The following CIMIP2A variants were observed in gnomAD, a reference collection of about 807,000 sequenced individuals.
CIMIP2A encodes ciliary microtubule inner protein 2A.
At chr9:137,252,722 A>G in the CIMIP2A span, 1 of 1,554,258 alleles carries the variant, frequency 6.4e-7, no homozygotes, top group South Asian at 1.2e-5. Context: ...CTTCAGCTTC[A>G]GAGGCTGCCA....
the CIMIP2A span, chr9:137,255,064 A>T: frequency 6.4e-6 from 1 of 155,988 alleles, no homozygotes; most frequent in South Asian, 2.1e-4. Flanking sequence ...ACGCTTATGT[A>T]CACGAAATTC....
the CIMIP2A span, chr9:137,252,968 A>G: frequency 1.4e-5 from 22 of 1,590,928 alleles, no homozygotes; most frequent in Admixed American, 3.5e-5. Flanking sequence ...CAGCACCTGT[A>G]AGGAGGCCTG....
At chr9:137,251,733 T>C in the CIMIP2A span, 1 of 1,560,100 alleles carries the variant, frequency 6.4e-7, no homozygotes, top group Non-Finnish European at 8.7e-7. Context: ...TGGTCTCCCT[T>C]GCAGGCCCAA....
the CIMIP2A span, among the ~76,000 whole-genome samples, chr9:137,246,688 A>C: frequency 6.6e-6 from 1 of 152,036 alleles, no homozygotes; most frequent in Non-Finnish European, 1.5e-5. Flanking sequence ...GCGTGAACCC[A>C]GGAGGCGGAG....
the CIMIP2A span, chr9:137,244,816 C>T: frequency 1.0e-5 from 16 of 1,576,788 alleles, no homozygotes; most frequent in Non-Finnish European, 1.4e-5. Context: ...TCAGACGTGT[C>T]AGGGAAGCCA....
the CIMIP2A span, chr9:137,245,000 CCT>C: frequency 6.2e-7 from 1 of 1,608,846 alleles, no homozygotes; most frequent in Non-Finnish European, 8.5e-7. Flanking sequence ...AAAGTGGGCC[CCT>C]GTGGCAGCCT....
chr9:137,247,812 C>T, the CIMIP2A span: 8 of 1,254,940 alleles, frequency 6.4e-6, no homozygotes, highest in Admixed American at 5.7e-5. Context: ...TTGTGAGGGG[C>T]CAGCATTGTG....
chr9:137,244,647 T>C, the CIMIP2A span: 1 of 1,613,676 alleles, frequency 6.2e-7, no homozygotes, highest in Non-Finnish European at 8.5e-7. Context: ...CCTACCTGGC[T>C]CTTGTCGAAT....
At chr9:137,245,710 T>A in the CIMIP2A span, 3 of 1,603,618 alleles carry the variant, frequency 1.9e-6, no homozygotes, top group South Asian at 3.3e-5. Context: ...CTGGCTGAAG[T>A]CCTCAATGAA....
chr9:137,252,494 C>T, the CIMIP2A span: 8 of 1,608,634 alleles, frequency 5.0e-6, no homozygotes, highest in Middle Eastern at 1.7e-4. Flanking sequence ...AGCCCCTTCA[C>T]GCAGAAAGCT....
At chr9:137,251,126 A>G in the CIMIP2A span, 2 of 645,492 alleles carry the variant, frequency 3.1e-6, no homozygotes, top group Non-Finnish European at 5.6e-6. Flanking sequence ...CCCGCTGATC[A>G]TCTAGTTAGT....
At chr9:137,254,639 G>A in the CIMIP2A span, among the ~76,000 whole-genome samples, 393 of 152,364 alleles carry the variant, frequency 2.6e-3, 4 homozygotes, top group African/African-American at 8.7e-3. Flanking sequence ...GTGTGTGTAG[G>A]GGGCTTGGCG....
chr9:137,251,458 C>A, the CIMIP2A span: 1 of 1,286,666 alleles, frequency 7.8e-7, no homozygotes, highest in Non-Finnish European at 1.1e-6. Flanking sequence ...GGCTGAGGGA[C>A]AGTGTGGGGG....
the CIMIP2A span, chr9:137,251,994 T>A: frequency 6.2e-7 from 1 of 1,609,234 alleles, no homozygotes; most frequent in Non-Finnish European, 8.5e-7. Flanking sequence ...TTGCTTCCTG[T>A]GGCCAGTGCT....
the CIMIP2A span, chr9:137,250,768 G>C: frequency 3.2e-3 from 540 of 169,282 alleles, 2 homozygotes; most frequent in African/African-American, 0.012. Context: ...TCTGGTGTCA[G>C]ACCCATCTGA....
At chr9:137,244,076 G>A in the CIMIP2A span, 1 of 1,267,212 alleles carries the variant, frequency 7.9e-7, no homozygotes, top group East Asian at 2.3e-5. Flanking sequence ...GGTCAGACAG[G>A]TGGTCCTGAA....
At chr9:137,250,580 CCAGAG>C in the CIMIP2A span, 1 of 153,526 alleles carries the variant, frequency 6.5e-6, no homozygotes, top group African/African-American at 2.4e-5. Flanking sequence ...GTGGTCAGCT[CCAGAG>C]ACCACACAGT....
At chr9:137,249,235 G>T in the CIMIP2A span, among the ~76,000 whole-genome samples, 22 of 152,330 alleles carry the variant, frequency 1.4e-4, no homozygotes, top group South Asian at 1.0e-3. Context: ...CATACATGCT[G>T]ACTGTGTGTT....
chr9:137,245,906 T>TG, the CIMIP2A span: 17 of 1,388,956 alleles, frequency 1.2e-5, no homozygotes, highest in Non-Finnish European at 1.6e-5. Flanking sequence ...GCCCCAGCAC[T>TG]GGGCAGGGCC....
Sources: allele counts gnomAD v4.1 joint callset (sites outside exome capture counted in the v4.1 genomes callset), GRCh38; gene constraint gnomAD v4.1.1; transcripts MANE v1.5; gene names NCBI Gene and HGNC (gene_info 2026-07-23, HGNC 2026-07-21).